The following KLC1 variants were observed in gnomAD, a reference collection of about 807,000 sequenced individuals.
The protein encoded by KLC1 is kinesin light chain 1, also known as kinesin 2 60/70kDa.
In KLC1, 30 loss-of-function variants were observed where a neutral mutation model predicts 84.2. The observed-to-expected ratio is 0.36, with a 90% confidence interval of 0.27 to 0.48. The LOEUF (loss-of-function observed/expected upper bound fraction) is 0.48. KLC1 is among the 20% of genes least tolerant of loss of function. KLC1 has a pLI of 0.99. For synonymous variants in KLC1, 289 were observed against 293.3 expected (o/e 0.99, Z 0.15); for missense variants, 499 against 805.4 (o/e 0.62, Z 4.60).
chr14:103,652,949 C>CG (rs2078573592), intron 1 of KLC1, among the ~76,000 whole-genome samples: 1 of 152,274 alleles, frequency 6.6e-6, no homozygotes, highest in Non-Finnish European at 1.5e-5. Flanking sequence ...CAGAGACTAA[C>CG]GTGACCCTAT....
chr14:103,643,510 A>G (rs925103267), intron 1 of KLC1, among the ~76,000 whole-genome samples: 1 of 152,254 alleles, frequency 6.6e-6, no homozygotes, highest in Non-Finnish European at 1.5e-5. Flanking sequence ...GCCAAATATG[A>G]GTGACCATGG....
At chr14:103,643,763 A>G (rs770108313) in intron 1 of KLC1, among the ~76,000 whole-genome samples, 1 of 151,850 alleles carries the variant, frequency 6.6e-6, no homozygotes, top group Non-Finnish European at 1.5e-5. Flanking sequence ...CTCCGTCTCT[A>G]CTAAAAATAC....
rs118053434 is a variant in KLC1, at chr14:103,690,928, C to T, written c.1782-1431C>T. ...ATTTTGCTTTCTAAGTAGAAAAATA[C>T]TGGCTTCAGAGTTTATTTTACTAAC... is the stretch of plus-strand genomic sequence containing the variant. On this transcript the variant is annotated intron_variant, in intron 14 of 16. Coordinates refer to ENST00000334553, the MANE Select transcript of KLC1 (RefSeq NM_001394837.1). Among the ~76,000 whole-genome samples the T allele has an allele frequency of 4.6e-5, 7 of 152,300 alleles. No individual in the cohort carries two copies. In the East Asian group the frequency reaches 1.4e-3, roughly 29 times the overall value.
At chr14:103,639,775 T>A (rs1257804511) in intron 1 of KLC1, among the ~76,000 whole-genome samples, 1 of 151,440 alleles carries the variant, frequency 6.6e-6, no homozygotes, top group East Asian at 1.9e-4. Context: ...TTATTATTTT[T>A]GAGACAGGGT....
intron 14 of KLC1, 23 bp from the exon 15 acceptor site, chr14:103,692,336 G>A: frequency 1.3e-6 from 2 of 1,536,052 alleles, no homozygotes; most frequent in African/African-American, 1.4e-5. Context: ...GTTTGTCCTT[G>A]CATGTCCGTG....
chr14:103,678,758 T>C (rs1175712250), intron 12 of KLC1, among the ~76,000 whole-genome samples: 1 of 150,968 alleles, frequency 6.6e-6, no homozygotes, highest in Non-Finnish European at 1.5e-5. Flanking sequence ...TTGCAAATGA[T>C]GTATCTCATA....
Position 103,679,426 on chromosome 14 carries a change from A to G in KLC1, c.1531A>G (p.Asn511Asp). 2 of 1,614,102 alleles carry G rather than the reference A, an allele frequency of 1.2e-6. No homozygotes were observed. The highest frequency in any genetic ancestry group is 1.7e-6 in the Non-Finnish European group (2 of 1,180,016). ...CAAACAGAGGGTGGCAGAAGTGCTC[A>G]ATGACCCTGAGAACATGGAGAAGCG... Reference protein sequence around the residue: ...VHKQRVAEVLNDPENMEKRRS... With the variant: ...VHKQRVAEVLDDPENMEKRRS... Residue 511 changes from asparagine (N) to aspartate (D), a missense_variant, in exon 13 of 17, where the codon AAT becomes GAT. Around this residue, in one of 3 missense-constraint regions of KLC1, gnomAD observed 167 missense variants for 208.8 expected, o/e 0.80. Transcript: ENST00000334553.
chr14:103,633,444 T>G (rs938068027), intron 1 of KLC1, among the ~76,000 whole-genome samples: 1 of 151,812 alleles, frequency 6.6e-6, no homozygotes, highest in Non-Finnish European at 1.5e-5. Context: ...TGGGATGAGG[T>G]TAATTAGGAA....
At chr14:103,697,369 G>GC (rs1010646714) in intron 15 of KLC1, among the ~76,000 whole-genome samples, 3 of 151,820 alleles carry the variant, frequency 2.0e-5, no homozygotes, top group Non-Finnish European at 2.9e-5. Flanking sequence ...ACCAGTGCCA[G>GC]CCCCCCTTCC....
chr14:103,649,616 T>C (rs2078242160), intron 1 of KLC1, among the ~76,000 whole-genome samples: 1 of 150,482 alleles, frequency 6.6e-6, no homozygotes, highest in Non-Finnish European at 1.5e-5. Flanking sequence ...ATCCTGAGAC[T>C]TTAAATTTAG....
At position 103,651,392 on chromosome 14, in the gene KLC1, GT is replaced by G. The variant is rs35997731; in HGVS notation, c.-1-3163del. 3.3e-5 allele frequency among the ~76,000 whole-genome samples: 5 copies of G among 151,480 alleles called. No homozygotes were observed. The East Asian group carries it at 5.8e-4, about 18-fold the overall frequency. On this transcript the variant is annotated intron_variant, in intron 1 of 16. Transcript: ENST00000334553. ...GCCTGTATTTCCTTCTAGTTTCTTG[GT>G]TTTTTTTTAATTTAGTTATTAATCT... is the stretch of plus-strand genomic sequence containing the variant.
At position 103,688,872 on chromosome 14, in the gene KLC1, A is replaced by G. The variant is rs574659859; in HGVS notation, c.1781+1661A>G. ...GGGACTTAGCAGCAAATTGCTTACA[A>G]TGAAACAAATGAACTCTTATTTGGG... On this transcript the variant is annotated intron_variant, in intron 14 of 16. Coordinates refer to ENST00000334553, the MANE Select transcript of KLC1 (RefSeq NM_001394837.1). Among the ~76,000 whole-genome samples the G allele has an allele frequency of 3.3e-5, 5 of 152,372 alleles. 1 individual carries two copies. In the South Asian group the frequency reaches 8.3e-4, roughly 25 times the overall value.
At chr14:103,649,762 C>G (rs964842267) in intron 1 of KLC1, among the ~76,000 whole-genome samples, 2 of 151,064 alleles carry the variant, frequency 1.3e-5, no homozygotes, top group Non-Finnish European at 1.5e-5. Context: ...GTGGCGCCAT[C>G]TCGGCTCACT....
rs551730686 is a variant in KLC1 at position 103,695,021 on chromosome 14, CT to C, written c.1848+2600del. On this transcript the variant is annotated intron_variant, in intron 15 of 16. Transcript: ENST00000334553. ...AGCTGCTCGCCTGTGGCCGTGGCTC[CT>C]TTTCTGAGGCTCCTGACTCCATTCT... The C allele has an allele frequency of 3.9e-4, 386 of 985,398 alleles. 6 individuals are homozygous for C. The East Asian group carries it at 0.021, about 54-fold the overall frequency. The allele number at this position is 985,398 out of a possible 1,614,324, so 61.0% of individuals were successfully genotyped here.
chr14:103,632,993 A>G (rs1461209793), intron 1 of KLC1, among the ~76,000 whole-genome samples: 2 of 152,044 alleles, frequency 1.3e-5, no homozygotes, highest in Non-Finnish European at 2.9e-5. Context: ...AGACGAGGTT[A>G]GGAAAGGCCT....
At chr14:103,631,107 G>T (rs1445385919) in intron 1 of KLC1, among the ~76,000 whole-genome samples, 2 of 150,936 alleles carry the variant, frequency 1.3e-5, no homozygotes, top group South Asian at 4.2e-4. Flanking sequence ...TTGAGATGGA[G>T]TCTCGCTCTG....
Position 103,695,824 on chromosome 14 carries a change from A to C in KLC1, c.1848+3399A>C, listed in dbSNP as rs1031373619. On this transcript the variant is annotated intron_variant, in intron 15 of 16. Transcript: ENST00000334553. ...TAAGAGAAGCCAGGGGGCCTCCCTG[A>C]AGCCAGCTCATAAAGGAAGGTTCGT... The C allele has an allele frequency of 5.1e-6, 5 of 985,270 alleles. No individual in the cohort carries two copies. In the Admixed American group the frequency reaches 3.1e-4, roughly 61 times the overall value. The allele number at this position is 985,270 out of a possible 1,614,324, so 61.0% of individuals were successfully genotyped here. A position where few individuals can be genotyped will look rare whatever the true frequency, so the allele number is the denominator to read the frequency against.
chr14:103,679,878 C>T (rs1266502247), intron 13 of KLC1: 1 of 227,692 alleles, frequency 4.4e-6, no homozygotes, highest in Non-Finnish European at 8.5e-6. Flanking sequence ...TTCTTTAACT[C>T]ACCCATTTCA....
At chr14:103,659,205 T>TC (rs1056855918) in intron 3 of KLC1, among the ~76,000 whole-genome samples, 1 of 151,630 alleles carries the variant, frequency 6.6e-6, no homozygotes, top group Non-Finnish European at 1.5e-5. Flanking sequence ...CCTCAGGTCA[T>TC]CCCCCCGCCT....
Sources: allele counts gnomAD v4.1 joint callset (sites outside exome capture counted in the v4.1 genomes callset), GRCh38; gene constraint gnomAD v4.1.1; regional missense constraint gnomAD v4.1.1; transcripts MANE v1.5; gene names NCBI Gene and HGNC (gene_info 2026-07-23, HGNC 2026-07-21).